Variants in AARSD1 observed in about 807,000 individuals in gnomAD.
The protein encoded by AARSD1 is alanyl-tRNA editing protein Aarsd1.
A neutral mutation model predicts 48.7 loss-of-function variants in AARSD1; 44 were observed. That is an observed-to-expected ratio of 0.90 (90% CI 0.71 to 1.16). AARSD1 has a LOEUF of 1.16. AARSD1 is among the 50% of genes most tolerant of loss of function. AARSD1 has a pLI of 0.00. For synonymous variants in AARSD1, 189 were observed against 194.9 expected (o/e 0.97, Z 0.25); for missense variants, 511 against 523.1 (o/e 0.98, Z 0.23).
chr17:42,956,060 C>G, intron 6 of AARSD1, 88 bp from the exon 7 acceptor site: 1 of 1,609,504 alleles, frequency 6.2e-7, no homozygotes, highest in Non-Finnish European at 8.5e-7. Context: ...CAGGAGAAAC[C>G]TATCTGTTCC....
In AARSD1 at chr17:42,951,855, C is replaced by T; in HGVS notation, c.1048G>A (p.Gly350Ser). ...LFLTVGDEKGGGLFLLAGPPA... is the reference protein window; with the variant it reads ...LFLTVGDEKGSGLFLLAGPPA... ...GGCCCTGCCAGTAAGAAGAGTCCAC[C>T]ACCTTTCTCATCGCCCACAGTTAAG... Residue 350 changes from glycine (G) to serine (S), a missense_variant, in exon 11 of 12, where the codon GGT (glycine) becomes AGT (serine). By Grantham distance (56) the Gly-to-Ser change is moderately conservative. Coordinates refer to ENST00000427569, the MANE Select transcript of AARSD1 (RefSeq NM_001261434.2). 6.2e-7 allele frequency: 1 copy of T among 1,614,164 alleles called. No individual in the cohort carries two copies. Among genetic ancestry groups the T allele is most frequent in the Non-Finnish European group, 8.5e-7 (1 of 1,180,026 alleles).
At position 42,956,264 on chromosome 17, in the gene AARSD1, G is replaced by C; in HGVS notation, c.603C>G (p.Ile201Met). 1 of 1,614,034 alleles carries C rather than the reference G, an allele frequency of 6.2e-7. No homozygotes were observed. Among genetic ancestry groups the C allele is most frequent in the Non-Finnish European group, 8.5e-7 (1 of 1,180,026 alleles). ...DHAGPIRVVN[I>M]EGVDSNMCCG... ...AGCACATGTTGGAATCAACGCCCTC[G>C]ATGTTAACAACCCGAATGGGCCCAG... The change falls in exon 6 of 12, where the codon ATC becomes ATG. Residue 201 changes from isoleucine (I) to methionine (M), a missense_variant. Physicochemically the swap from Ile to Met is conservative, Grantham distance 10 (BLOSUM62 1). Transcript: ENST00000427569.
intron 3 of AARSD1, among the ~76,000 whole-genome samples, chr17:42,957,894 TGAG>T (rs960923369): frequency 6.5e-4 from 99 of 151,454 alleles, no homozygotes; most frequent in African/African-American, 2.3e-3. Context: ...AGAGTGATGA[TGAG>T]GAGAAAGAAG....
chr17:42,961,429 G>C, intron 2 of AARSD1, 78 bp from the exon 3 acceptor site: 1 of 1,591,412 alleles, frequency 6.3e-7, no homozygotes, highest in Non-Finnish European at 8.5e-7. Context: ...CCTCTAGGGT[G>C]AGAGACCCAG....
chr17:42,963,552 A>G (rs1166550096), intron 2 of AARSD1, among the ~76,000 whole-genome samples: 1 of 152,046 alleles, frequency 6.6e-6, no homozygotes, highest in Non-Finnish European at 1.5e-5. Context: ...AGCACTGATA[A>G]ATATGCTCTC....
chr17:42,953,658 G>A (rs775226969), intron 10 of AARSD1, 66 bp downstream of exon 10: 71 of 1,609,356 alleles, frequency 4.4e-5, no homozygotes, highest in South Asian at 3.6e-4. Flanking sequence ...CTAAACTAGC[G>A]CCCCTCACTT....
rs778873822 is a variant in AARSD1, at chr17:42,956,464, G to C, written c.486C>G (p.Ile162Met). The C allele has an allele frequency of 3.3e-5, 53 of 1,614,012 alleles. No homozygotes were observed. Among genetic ancestry groups the C allele is most frequent in the Non-Finnish European group, 4.3e-5 (51 of 1,180,026 alleles). ...AAIEQSVNEKIRDRLPVNVRE... is the reference protein window; with the variant it reads ...AAIEQSVNEKMRDRLPVNVRE... The stretch of plus-strand genomic sequence containing the variant: ...GGACATTCACAGGCAGCCGATCTCT[G>C]ATTTTTTCATTGACGCTCTGCTCAA... The change falls in exon 5 of 12, where the codon ATC becomes ATG. Residue 162 changes from isoleucine to methionine, a missense_variant. Transcript: ENST00000427569.
At chr17:42,951,756 A>T (rs1233914666) in intron 11 of AARSD1, 44 bp downstream of exon 11, 2 of 1,597,008 alleles carry the variant, frequency 1.3e-6, no homozygotes, top group Non-Finnish European at 1.7e-6. Context: ...TATTTGTAGG[A>T]TACAGGCTCT....
Position 42,955,150 on chromosome 17 carries a change from TA to T in AARSD1, c.861+7del, listed in dbSNP as rs746735702. 2.5e-6 allele frequency: 4 copies of T among 1,614,152 alleles called. No individual in the cohort carries two copies. In the Admixed American group the frequency reaches 5.0e-5, roughly 20 times the overall value. On this transcript the variant is annotated splice_region_variant and intron_variant, in intron 8 of 11. Transcript: ENST00000427569. ...CATGCCCTCTCTACCCTCCATGGAA[TA>T]AATCACCTTCTGCAGGATCTTGGTG...
chr17:42,959,031 T>C (rs1269614536), intron 3 of AARSD1, among the ~76,000 whole-genome samples: 1 of 148,022 alleles, frequency 6.8e-6, no homozygotes, highest in African/African-American at 2.5e-5. Flanking sequence ...CCCCCATCTC[T>C]ACTAAAAATA....
At position 42,956,293 on chromosome 17, in the gene AARSD1, GATC is replaced by G. The variant is rs1567716101; in HGVS notation, c.571_573del (p.Asp191del). 5.0e-6 allele frequency: 8 copies of G among 1,614,104 alleles called. No individual in the cohort carries two copies. The highest frequency in any genetic ancestry group is 5.9e-6 in the Non-Finnish European group (7 of 1,180,020). ...TTAACAACCCGAATGGGCCCAGCAT[GATC>G]ATCAGGCAAACCCCGGCCACTCACC... On this transcript the variant is annotated inframe_deletion, in exon 6 of 12. Coordinates refer to ENST00000427569, the MANE Select transcript of AARSD1 (RefSeq NM_001261434.2).
intron 10 of AARSD1, among the ~76,000 whole-genome samples, chr17:42,953,319 T>C (rs1391508931): frequency 6.6e-6 from 1 of 152,112 alleles, no homozygotes; most frequent in East Asian, 1.9e-4. Context: ...TTTCACCATG[T>C]TGGCTAGGCT....
chr17:42,959,808 C>T (rs539425237), intron 3 of AARSD1, among the ~76,000 whole-genome samples: 31 of 151,914 alleles, frequency 2.0e-4, no homozygotes, highest in African/African-American at 6.8e-4. Flanking sequence ...GGACTACAGG[C>T]GCGCATCACC....
intron 10 of AARSD1, 97 bp downstream of exon 10, chr17:42,953,626 TG>T (rs2049507763): frequency 6.9e-7 from 1 of 1,447,678 alleles, no homozygotes; most frequent in Non-Finnish European, 9.7e-7. Context: ...CCTCCTCATG[TG>T]TTCATGTGGA....
At chr17:42,962,913 A>G (rs1217007320) in intron 2 of AARSD1, among the ~76,000 whole-genome samples, 1 of 152,106 alleles carries the variant, frequency 6.6e-6, no homozygotes, top group African/African-American at 2.4e-5. Context: ...AGTCCCCACT[A>G]CTGGAGAGGC....
At chr17:42,959,975 T>G (rs1272914233) in intron 3 of AARSD1, among the ~76,000 whole-genome samples, 1 of 151,986 alleles carries the variant, frequency 6.6e-6, no homozygotes, top group Non-Finnish European at 1.5e-5. Context: ...ATATTTTCAT[T>G]TTTAAGATTG....
intron 2 of AARSD1, 138 bp from the exon 3 acceptor site, chr17:42,961,489 G>T: frequency 8.2e-7 from 1 of 1,219,860 alleles, no homozygotes; most frequent in Non-Finnish European, 1.1e-6. Context: ...AGTGAAATGA[G>T]TCCACTTTGT....
At position 42,950,595 on chromosome 17, in the gene AARSD1, A is replaced by G; in HGVS notation, c.1237T>C (p.Ter413ArgextTer20). The change falls in exon 12 of 12, where the codon TGA becomes CGA. Residue 413 changes from the stop codon to arginine (R), a stop_lost. Transcript: ENST00000427569. Reference sequence around the variant, plus strand: ...CAGGAGGTGAGTGCCCTAAGCCCTCACTCCTTAGCACTCTGCGTGCTGATG... The same window carrying G: ...CAGGAGGTGAGTGCCCTAAGCCCTCGCTCCTTAGCACTCTGCGTGCTGATG... ...DYISTQSAKE[*>R] is the part of the protein sequence containing the mutation. The G allele has an allele frequency of 1.9e-5, 31 of 1,604,992 alleles. No homozygotes were observed. The highest frequency in any genetic ancestry group is 2.6e-5 in the Non-Finnish European group (31 of 1,175,114).
At chr17:42,957,276 A>G in intron 3 of AARSD1, 81 bp from the exon 4 acceptor site, 3 of 1,564,096 alleles carry the variant, frequency 1.9e-6, no homozygotes, top group Non-Finnish European at 2.6e-6. Flanking sequence ...CTACAATGAT[A>G]AAAGCACAGA....
Sources: allele counts gnomAD v4.1 joint callset (sites outside exome capture counted in the v4.1 genomes callset), GRCh38; gene constraint gnomAD v4.1.1; transcripts MANE v1.5; gene names NCBI Gene and HGNC (gene_info 2026-07-23, HGNC 2026-07-21).